Variants in KANSL1 observed in about 807,000 individuals in gnomAD.
The protein encoded by KANSL1 is MLL1/MLL complex subunit KANSL1.
KANSL1 carries 22 observed loss-of-function variants against 103.6 expected under a neutral mutation model. That is an observed-to-expected ratio of 0.21 (90% CI 0.15 to 0.30). KANSL1 has a LOEUF of 0.30. Ranked by LOEUF, KANSL1 falls within the 10% of genes least tolerant of loss-of-function variation. The pLI, the probability that KANSL1 is intolerant of heterozygous loss-of-function variation, is 1.00. For synonymous variants in KANSL1, 600 were observed against 527.6 expected (o/e 1.14, Z -1.88); for missense variants, 1,337 against 1,399.8 (o/e 0.96, Z 0.72).
chr17:46,193,743 G>C, upstream of KANSL1: 1 of 212,682 alleles, frequency 4.7e-6, no homozygotes, highest in Non-Finnish European at 1.0e-5. Flanking sequence ...GCCGAGGTGA[G>C]TCTAACCTGA....
At chr17:46,200,471 G>A (rs1007465122) in intron 1 of KANSL1, among the ~76,000 whole-genome samples, 6 of 152,200 alleles carry the variant, frequency 3.9e-5, no homozygotes, top group East Asian at 1.9e-4. Context: ...GGCTGGGTGC[G>A]GTAGCTCATG....
At chr17:46,215,508 CAGA>C (rs1466072338) in intron 1 of KANSL1, among the ~76,000 whole-genome samples, 1 of 152,150 alleles carries the variant, frequency 6.6e-6, no homozygotes, top group Non-Finnish European at 1.5e-5. Flanking sequence ...TACAAGACAA[CAGA>C]AGGTCACGCA....
At chr17:46,164,994 T>G (rs544036656) in intron 2 of KANSL1, among the ~76,000 whole-genome samples, 1 of 152,144 alleles carries the variant, frequency 6.6e-6, no homozygotes, top group Non-Finnish European at 1.5e-5. Flanking sequence ...GTAGTCCCAG[T>G]TACTCCTGAG....
rs2048474425 is a variant in KANSL1, at chr17:46,220,036, C to T, written c.-90+3635G>A. On this transcript the variant is annotated intron_variant, in intron 1 of 14. Transcript: ENST00000572904. Reference sequence around the variant, plus strand: ...GAGAATGACATGAACCCAGGAGGCACAGTTTGCAGTGAGCCGAGATTGCGC... The same window carrying T: ...GAGAATGACATGAACCCAGGAGGCATAGTTTGCAGTGAGCCGAGATTGCGC... Among the ~76,000 whole-genome samples, 3 of 151,884 alleles carry T rather than the reference C, an allele frequency of 2.0e-5. No homozygotes were observed. In the South Asian group the frequency reaches 6.2e-4, roughly 31 times the overall value.
intron 2 of KANSL1, among the ~76,000 whole-genome samples, chr17:46,105,949 C>CACACACA (rs1567680988): frequency 0.011 from 559 of 49,228 alleles, 5 homozygotes; most frequent in African/African-American, 0.026. Flanking sequence ...ACACACACAC[C>CACACACA]CCCCCAGAAG....
At chr17:46,182,116 C>T (rs2046822901) in intron 1 of KANSL1, among the ~76,000 whole-genome samples, 1 of 152,150 alleles carries the variant, frequency 6.6e-6, no homozygotes, top group African/African-American at 2.4e-5. Flanking sequence ...CTAACTTTAT[C>T]GAGAGCTTGG....
At chr17:46,081,697 C>G (rs2078994877) in intron 4 of KANSL1, among the ~76,000 whole-genome samples, 1 of 152,182 alleles carries the variant, frequency 6.6e-6, no homozygotes, top group African/African-American at 2.4e-5. Context: ...GATACAAGAA[C>G]AGCTTGCTTA....
chr17:46,114,722 G>A (rs538552499), intron 2 of KANSL1, among the ~76,000 whole-genome samples: 2 of 152,318 alleles, frequency 1.3e-5, no homozygotes, highest in African/African-American at 4.8e-5. Context: ...TTTAAAAAAT[G>A]ACAATATCTT....
chr17:46,048,561 C>A (rs1236419770), intron 7 of KANSL1, among the ~76,000 whole-genome samples: 1 of 152,130 alleles, frequency 6.6e-6, no homozygotes, highest in African/African-American at 2.4e-5. Context: ...AAGCGAGACT[C>A]TGTCTCAAAA....
intron 2 of KANSL1, among the ~76,000 whole-genome samples, chr17:46,110,465 G>A (rs904659333): frequency 1.3e-5 from 2 of 152,136 alleles, no homozygotes; most frequent in Non-Finnish European, 2.9e-5. Context: ...AAGACAATAA[G>A]GCTAAGTAAC....
chr17:46,117,827 TAC>T (rs1455399263), intron 2 of KANSL1, among the ~76,000 whole-genome samples: 5 of 152,228 alleles, frequency 3.3e-5, no homozygotes, highest in Non-Finnish European at 7.3e-5. Flanking sequence ...CACAAAGATT[TAC>T]AGATTTCTTT....
chr17:46,153,567 G>A (rs2045245575), intron 2 of KANSL1, among the ~76,000 whole-genome samples: 1 of 152,188 alleles, frequency 6.6e-6, no homozygotes, highest in South Asian at 2.1e-4. Flanking sequence ...TTATGTAATA[G>A]GAACAGAACA....
At chr17:46,066,801 C>A (rs1175488970) in intron 5 of KANSL1, 69 bp from the exon 6 acceptor site, 2 of 1,160,986 alleles carry the variant, frequency 1.7e-6, no homozygotes, top group Non-Finnish European at 2.4e-6. Context: ...AACAAGAAAA[C>A]ACAAAGAAAC....
chr17:46,079,651 C>T (rs1231139357), intron 4 of KANSL1, among the ~76,000 whole-genome samples: 1 of 152,136 alleles, frequency 6.6e-6, no homozygotes, highest in Non-Finnish European at 1.5e-5. Context: ...CATCATGATT[C>T]CCTTGTTATT....
At position 46,051,418 on chromosome 17, in the gene KANSL1, T is replaced by C. The variant is rs775317881; in HGVS notation, c.1849-714A>G. ...AATTATTTCCACTGAACTTCCTTTG[T>C]GCACATGTGGGCAGAATAATTGATA... On this transcript the variant is annotated intron_variant, in intron 6 of 14. Transcript: ENST00000432791. 2.0e-5 allele frequency among the ~76,000 whole-genome samples: 3 copies of C among 152,262 alleles called. No individual in the cohort carries two copies. The East Asian group carries it at 5.8e-4, about 29-fold the overall frequency.
chr17:46,138,256 G>A (rs1172776391), intron 2 of KANSL1, among the ~76,000 whole-genome samples: 1 of 152,162 alleles, frequency 6.6e-6, no homozygotes, highest in South Asian at 2.1e-4. Context: ...TGTTCAACTG[G>A]TAAGTACAGC....
At chr17:46,083,565 G>C (rs1200113129) in intron 3 of KANSL1, among the ~76,000 whole-genome samples, 1 of 151,978 alleles carries the variant, frequency 6.6e-6, no homozygotes, top group Non-Finnish European at 1.5e-5. Context: ...ATGGAGGTGG[G>C]TGTCTCTCTC....
At chr17:46,037,152 T>C (rs778249687) in intron 10 of KANSL1, among the ~76,000 whole-genome samples, 14 of 152,218 alleles carry the variant, frequency 9.2e-5, no homozygotes, top group Non-Finnish European at 2.1e-4. Context: ...TAAGTTAACA[T>C]TCTCCAGACA....
chr17:46,105,946 CA>C (rs1214094531), intron 2 of KANSL1, among the ~76,000 whole-genome samples: 64 of 25,192 alleles, frequency 2.5e-3, no homozygotes, highest in Admixed American at 5.1e-3. Context: ...CACACACACA[CA>C]CCCCCCCAGA....
Sources: gnomAD v4.1 joint callset for allele counts (sites outside exome capture counted in the v4.1 genomes callset) on GRCh38, gnomAD v4.1.1 for gene constraint, MANE v1.5 for transcripts, NCBI Gene and HGNC (gene_info 2026-07-23, HGNC 2026-07-21) for gene names.